ARB2A: variants seen among roughly 807,000 people sequenced by gnomAD.
ARB2A encodes the protein ARB2 cotranscriptional regulator A.
chr5:93,930,590 T>C, the ARB2A span, among the ~76,000 whole-genome samples: 1 of 152,268 alleles, frequency 6.6e-6, no homozygotes, highest in Admixed American at 6.5e-5. Flanking sequence ...GTCTTTCAGA[T>C]AGAAGAAAAG....
At chr5:93,906,080 C>T in the ARB2A span, among the ~76,000 whole-genome samples, 1 of 151,510 alleles carries the variant, frequency 6.6e-6, no homozygotes, top group African/African-American at 2.4e-5. Context: ...GATAATCAAC[C>T]AACGTAGCAA....
At chr5:94,084,751 A>G in the ARB2A span, among the ~76,000 whole-genome samples, 2 of 152,222 alleles carry the variant, frequency 1.3e-5, no homozygotes, top group East Asian at 3.8e-4. Flanking sequence ...TGACACCATC[A>G]TATCACTGGG....
At chr5:93,776,464 T>G in the ARB2A span, among the ~76,000 whole-genome samples, 2 of 152,194 alleles carry the variant, frequency 1.3e-5, no homozygotes, top group Non-Finnish European at 2.9e-5. Flanking sequence ...ATTCAACAAA[T>G]CATCTGTGCT....
chr5:93,743,741 AC>A, the ARB2A span, among the ~76,000 whole-genome samples: 1 of 146,582 alleles, frequency 6.8e-6, no homozygotes, highest in African/African-American at 2.5e-5. Context: ...ATCTCGGCTC[AC>A]TGCAGTCTCT....
chr5:93,915,358 G>A, the ARB2A span, among the ~76,000 whole-genome samples: 2 of 151,558 alleles, frequency 1.3e-5, no homozygotes, highest in Non-Finnish European at 2.9e-5. Flanking sequence ...GGCATAAACA[G>A]GTATTCTGTG....
At chr5:94,069,827 A>C in the ARB2A span, among the ~76,000 whole-genome samples, 1 of 152,170 alleles carries the variant, frequency 6.6e-6, no homozygotes, top group African/African-American at 2.4e-5. Flanking sequence ...GAATTCTTAT[A>C]CACTGTTGTT....
chr5:94,073,830 A>C, the ARB2A span, among the ~76,000 whole-genome samples: 1 of 152,060 alleles, frequency 6.6e-6, no homozygotes, highest in Non-Finnish European at 1.5e-5. Context: ...AAGTTCTCCA[A>C]TCAGGCTTTC....
the ARB2A span, among the ~76,000 whole-genome samples, chr5:93,767,716 C>T: frequency 4.0e-5 from 6 of 151,794 alleles, no homozygotes; most frequent in African/African-American, 7.3e-5. Flanking sequence ...TGAATTAGGC[C>T]GGGCACGTTG....
At chr5:93,669,609 G>A in the ARB2A span, among the ~76,000 whole-genome samples, 5 of 152,130 alleles carry the variant, frequency 3.3e-5, no homozygotes, top group Admixed American at 6.5e-5. Flanking sequence ...TTCAAATTAC[G>A]TGTTGTTGTC....
At chr5:93,918,905 G>C in the ARB2A span, among the ~76,000 whole-genome samples, 279 of 152,080 alleles carry the variant, frequency 1.8e-3, 1 homozygote, top group Non-Finnish European at 2.9e-3. Flanking sequence ...TTATTCCCTC[G>C]TCAGCTCCCT....
At chr5:94,004,195 C>T in the ARB2A span, among the ~76,000 whole-genome samples, 1 of 152,064 alleles carries the variant, frequency 6.6e-6, no homozygotes, top group Non-Finnish European at 1.5e-5. Flanking sequence ...TAACTCAAAA[C>T]AAATTTAAAT....
At chr5:93,622,271 T>G in the ARB2A span, among the ~76,000 whole-genome samples, 1 of 152,236 alleles carries the variant, frequency 6.6e-6, no homozygotes, top group Non-Finnish European at 1.5e-5. Flanking sequence ...CACTCAATTA[T>G]GCAGAGAGAT....
the ARB2A span, among the ~76,000 whole-genome samples, chr5:94,093,186 A>T: frequency 6.6e-6 from 1 of 152,130 alleles, no homozygotes; most frequent in Non-Finnish European, 1.5e-5. Flanking sequence ...AGATGACTCA[A>T]CTTTAAAAGT....
the ARB2A span, among the ~76,000 whole-genome samples, chr5:93,786,082 A>C: frequency 6.6e-6 from 1 of 152,184 alleles, no homozygotes. Context: ...CTGAAGTACA[A>C]AATAAGAACA....
the ARB2A span, among the ~76,000 whole-genome samples, chr5:94,003,771 A>G: frequency 6.6e-6 from 1 of 152,158 alleles, no homozygotes; most frequent in African/African-American, 2.4e-5. Context: ...AAACATGTCA[A>G]TTCTCTGTAA....
chr5:94,107,260 A>G, the ARB2A span, among the ~76,000 whole-genome samples: 2 of 152,136 alleles, frequency 1.3e-5, no homozygotes, highest in African/African-American at 4.8e-5. Context: ...GACAACAAAC[A>G]ATATTAGAGA....
the ARB2A span, among the ~76,000 whole-genome samples, chr5:94,091,412 A>G: frequency 6.6e-6 from 1 of 152,244 alleles, no homozygotes; most frequent in Admixed American, 6.5e-5. Context: ...TGGATTTAAC[A>G]TATTGGCCAC....
chr5:93,881,468 A>T, the ARB2A span: 1 of 1,604,022 alleles, frequency 6.2e-7, no homozygotes. Flanking sequence ...GATCTCACTC[A>T]CTCTGATATA....
chr5:93,726,069 C>T, the ARB2A span, among the ~76,000 whole-genome samples: 4 of 152,012 alleles, frequency 2.6e-5, no homozygotes, highest in Non-Finnish European at 4.4e-5. Flanking sequence ...ATCATAGATT[C>T]GAACATCAGT....
Sources: gnomAD v4.1 joint callset for allele counts (sites outside exome capture counted in the v4.1 genomes callset) on GRCh38, gnomAD v4.1.1 for gene constraint, MANE v1.5 for transcripts, NCBI Gene and HGNC (gene_info 2026-07-23, HGNC 2026-07-21) for gene names.